Variants in MLST8 observed in about 807,000 individuals in gnomAD.
MLST8 encodes the protein target of rapamycin complex subunit LST8.
In MLST8, 20 loss-of-function variants were observed where a neutral mutation model predicts 41.3. The observed-to-expected ratio is 0.48, with a 90% confidence interval of 0.34 to 0.70. The LOEUF (loss-of-function observed/expected upper bound fraction) is 0.70, where lower values mean the gene tolerates loss of function less well. MLST8 is among the 30% of genes least tolerant of loss of function. The probability of loss-of-function intolerance (pLI) is 0.01; values close to 1 mark genes in which losing one functional copy is unlikely to be tolerated. For missense variants in MLST8, 422 were observed against 454.3 expected (o/e 0.93, Z 0.65); for synonymous variants, 243 against 183.0 (o/e 1.33, Z -2.65).
In MLST8 at chr16:2,208,327, G is replaced by A. The variant is rs1353229545; in HGVS notation, c.691G>A (p.Asp231Asn). 10 of 1,606,012 alleles carry A rather than the reference G, an allele frequency of 6.2e-6. No individual in the cohort carries two copies. The highest frequency in any genetic ancestry group is 8.5e-6 in the Non-Finnish European group (10 of 1,174,362). Reference protein sequence around the residue: ...RYALQCRFSPDSTLLATCSAD... With the variant: ...RYALQCRFSPNSTLLATCSAD... ...CGCCCTGCAGTGTCGCTTCAGCCCC[G>A]ACTCCACGTGCGTGCAGGGCCTGCT... Residue 231 changes from aspartate to asparagine, a missense_variant, in exon 7 of 9, where the codon GAC becomes AAC. Asp to Asn is a conservative substitution (Grantham distance 23). Transcript: ENST00000569417.
chr16:2,206,560 A>G lies in MLST8; in HGVS notation c.245A>G (p.Asp82Gly). ...SNNPNPIISY[D>G]GVNKNIASVG... The stretch of plus-strand genomic sequence containing the variant: ...AACCCTAACCCCATCATCAGCTACG[A>G]CGGCGTCAACAAGAACATCGCGTCT... Residue 82 changes from aspartate (D) to glycine (G), a missense_variant, in exon 4 of 9, where the codon GAC (aspartate) becomes GGC (glycine). Coordinates refer to ENST00000569417, the MANE Select transcript of MLST8 (RefSeq NM_022372.6). 2 of 1,613,946 alleles carry G rather than the reference A, an allele frequency of 1.2e-6. No homozygotes were observed. The highest frequency in any genetic ancestry group is 1.7e-6 in the Non-Finnish European group (2 of 1,179,956).
Position 2,206,520 on chromosome 16 carries a change from G to C in MLST8, c.205G>C (p.Asp69His). 1 of 1,611,880 alleles carries C rather than the reference G, an allele frequency of 6.2e-7. No individual in the cohort carries two copies. ...AGGTTACCAGCACATCCGCATGTAT[G>C]ATCTCAACTCCAATAACCCTAACCC... ...AAGYQHIRMY[D>H]LNSNNPNPII... The change falls in exon 4 of 9, where the codon GAT becomes CAT. Residue 69 changes from aspartate to histidine, a missense_variant. Physicochemically the swap from Asp to His is moderately conservative, Grantham distance 81 (BLOSUM62 -1). Coordinates refer to ENST00000569417, the MANE Select transcript of MLST8 (RefSeq NM_022372.6).
In MLST8 at chr16:2,209,281, C is replaced by T. The variant is rs2093358038; in HGVS notation, c.*404C>T. The T allele has an allele frequency of 4.6e-6, 6 of 1,307,454 alleles. No homozygotes were observed. In the South Asian group the frequency reaches 5.2e-5, roughly 11 times the overall value. 81.0% of individuals were successfully genotyped at this position (1,307,454 alleles called of 1,614,324 possible). A position where few individuals can be genotyped will look rare whatever the true frequency, so the allele number is the denominator to read the frequency against. On this transcript the variant is annotated 3_prime_UTR_variant, in exon 9 of 9. Coordinates refer to ENST00000569417, the MANE Select transcript of MLST8 (RefSeq NM_022372.6). ...AGGTGGAAGGGTTTATTAGTCCCTG[C>T]CAGCAGCTGTCCTCCCTGGTGCAGG... is the stretch of plus-strand genomic sequence containing the variant.
chr16:2,207,400 C>G, intron 6 of MLST8, 55 bp downstream of exon 6: 1 of 1,588,230 alleles, frequency 6.3e-7, no homozygotes, highest in South Asian at 1.1e-5. Context: ...AGCCCTCAGC[C>G]TCTGCAGGTG....
rs764361800 is a variant in MLST8, at chr16:2,208,753, C to G, written c.863-6C>G. On this transcript the variant is annotated splice_polypyrimidine_tract_variant and splice_region_variant and intron_variant, in intron 8 of 8. Transcript: ENST00000569417. ...GCTCTTAGCCCTGCACAATCTCCCC[C>G]TCCAGCTTCCTCGGACAACCTGGCC... The G allele has an allele frequency of 1.2e-6, 2 of 1,613,828 alleles. No individual in the cohort carries two copies. Among genetic ancestry groups the G allele is most frequent in the African/African-American group, 1.3e-5 (1 of 74,940 alleles).
rs1037058113 is a variant in MLST8, at chr16:2,208,740, G to C, written c.863-19G>C. The C allele has an allele frequency of 5.0e-6, 8 of 1,613,744 alleles. No homozygotes were observed. The highest frequency in any genetic ancestry group is 3.3e-5 in the Admixed American group (2 of 60,000). On this transcript the variant is annotated intron_variant, in intron 8 of 8. Transcript: ENST00000569417. ...GGCCTGCACCTGCGCTCTTAGCCCT[G>C]CACAATCTCCCCCTCCAGCTTCCTC...
chr16:2,209,176 C>G lies in MLST8; in HGVS notation c.*299C>G. The G allele has an allele frequency of 1.5e-6, 1 of 672,358 alleles. No individual in the cohort carries two copies. 41.6% of individuals were successfully genotyped at this position (672,358 alleles called of 1,614,324 possible). On this transcript the variant is annotated 3_prime_UTR_variant, in exon 9 of 9. Coordinates refer to ENST00000569417, the MANE Select transcript of MLST8 (RefSeq NM_022372.6). Reference sequence around the variant, plus strand: ...CTGAGGGGTCTGAGGCTGGTGCCCACCCCCAAGCTAGTGTGTTCTCTGCCC... The same window carrying G: ...CTGAGGGGTCTGAGGCTGGTGCCCAGCCCCAAGCTAGTGTGTTCTCTGCCC...
Position 2,209,085 on chromosome 16 carries a change from G to T in MLST8, c.*208G>T. On this transcript the variant is annotated 3_prime_UTR_variant, in exon 9 of 9. Coordinates refer to ENST00000569417, the MANE Select transcript of MLST8 (RefSeq NM_022372.6). Reference sequence around the variant, plus strand: ...ATGTGACAGAGCTCGACCCAAGCCAGGCTGCACACTCCTGGACTGGGCTAG... The same window carrying T: ...ATGTGACAGAGCTCGACCCAAGCCATGCTGCACACTCCTGGACTGGGCTAG... The T allele has an allele frequency of 1.5e-6, 1 of 652,794 alleles. No individual in the cohort carries two copies. The allele number at this position is 652,794 out of a possible 1,614,324, so 40.4% of individuals were successfully genotyped here.
chr16:2,209,146 A>G lies in MLST8; in HGVS notation c.*269A>G. 1 of 641,748 alleles carries G rather than the reference A, an allele frequency of 1.6e-6. No homozygotes were observed. Among genetic ancestry groups the G allele is most frequent in the Non-Finnish European group, 2.7e-6 (1 of 373,992 alleles). The allele number at this position is 641,748 out of a possible 1,614,324, so 39.8% of individuals were successfully genotyped here. A position where few individuals can be genotyped will look rare whatever the true frequency, so the allele number is the denominator to read the frequency against. On this transcript the variant is annotated 3_prime_UTR_variant, in exon 9 of 9. Coordinates refer to ENST00000569417, the MANE Select transcript of MLST8 (RefSeq NM_022372.6). ...CTGGGAAAGTCGGCCGAGGGCCCAA[A>G]GCTGCTGAGGGGTCTGAGGCTGGTG... is the stretch of plus-strand genomic sequence containing the variant.
Position 2,205,927 on chromosome 16 carries a change from A to G in MLST8, c.-55-104A>G. The G allele has an allele frequency of 5.5e-6, 8 of 1,442,878 alleles. No individual in the cohort carries two copies. The Middle Eastern group carries it at 5.6e-4, about 101-fold the overall frequency. 89.4% of individuals were successfully genotyped at this position (1,442,878 alleles called of 1,614,324 possible). On this transcript the variant is annotated intron_variant, in intron 1 of 8. Transcript: ENST00000569417. ...GAACCTACCTGCGCTTCTTGTCCCA[A>G]CTCTAAAATGGGAATGATAAGCGCC...
chr16:2,206,001 C>A, intron 1 of MLST8, 30 bp from the exon 2 acceptor site: 1 of 1,509,490 alleles, frequency 6.6e-7, no homozygotes, highest in Non-Finnish European at 8.9e-7. Flanking sequence ...CAGAGAGTGT[C>A]TTCTAAGTAC....
At chr16:2,205,780 C>CT (rs1431289249) in intron 1 of MLST8, 7 of 1,056,612 alleles carry the variant, frequency 6.6e-6, no homozygotes, top group East Asian at 1.4e-4. Context: ...CCGCGCGTGA[C>CT]TCCCCCCTGC....
At position 2,206,159 on chromosome 16, in the gene MLST8, G is replaced by A. The variant is rs745316292; in HGVS notation, c.74G>A (p.Arg25His). Residue 25 changes from arginine (R) to histidine (H), a missense_variant, in exon 2 of 9, where the codon CGC (arginine) becomes CAC (histidine). By Grantham distance (29) the Arg-to-His change is conservative. Coordinates refer to ENST00000569417, the MANE Select transcript of MLST8 (RefSeq NM_022372.6). ...LATAGYDHTV[R>H]FWQAHSGICT... The stretch of plus-strand genomic sequence containing the variant: ...ACTGCAGGCTACGACCACACCGTGC[G>A]CTTCTGGCAGGCCCACAGCGGCATC... 4 of 1,611,854 alleles carry A rather than the reference G, an allele frequency of 2.5e-6. No individual in the cohort carries two copies. The highest frequency in any genetic ancestry group is 1.1e-5 in the South Asian group (1 of 91,020).
In MLST8 at chr16:2,208,953, A is replaced by C; in HGVS notation, c.*76A>C. ...CCATGCAGCACCCAGGTCAGAGCAG[A>C]CCCTCCCCTGCCGGCCTGCGCCAGC... On this transcript the variant is annotated 3_prime_UTR_variant, in exon 9 of 9. Coordinates refer to ENST00000569417, the MANE Select transcript of MLST8 (RefSeq NM_022372.6). 2 of 1,509,256 alleles carry C rather than the reference A, an allele frequency of 1.3e-6. No individual in the cohort carries two copies. Among genetic ancestry groups the C allele is most frequent in the Non-Finnish European group, 9.1e-7 (1 of 1,099,346 alleles). The allele number at this position is 1,509,256 out of a possible 1,614,324, so 93.5% of individuals were successfully genotyped here. A position where few individuals can be genotyped will look rare whatever the true frequency, so the allele number is the denominator to read the frequency against.
At position 2,206,142 on chromosome 16, in the gene MLST8, C is replaced by T; in HGVS notation, c.57C>T (p.Gly19=). ...ACCCGGTCATCCTGGCCACTGCAGGCTACGACCACACCGTGCGCTTCTGGC... is the reference window on the plus strand; with the variant it reads ...ACCCGGTCATCCTGGCCACTGCAGGTTACGACCACACCGTGCGCTTCTGGC... ...GSDPVILATA[G]YDHTVRFWQA... is the part of the protein sequence containing the mutation. The change falls in exon 2 of 9, where the codon GGC becomes GGT. Residue 19 remains glycine (G), a synonymous_variant. Coordinates refer to ENST00000569417, the MANE Select transcript of MLST8 (RefSeq NM_022372.6). 1 of 1,612,092 alleles carries T rather than the reference C, an allele frequency of 6.2e-7. No homozygotes were observed. The highest frequency in any genetic ancestry group is 8.5e-7 in the Non-Finnish European group (1 of 1,179,440).
At chr16:2,205,773 C>T (rs534548280) in intron 1 of MLST8, 8 of 1,047,952 alleles carry the variant, frequency 7.6e-6, no homozygotes, top group Non-Finnish European at 9.2e-6. Flanking sequence ...GTGGCGCCCG[C>T]GCGTGACTCC....
chr16:2,209,227 G>A lies in MLST8; in HGVS notation c.*350G>A, dbSNP rs550305882. Reference sequence around the variant, plus strand: ...CTCCCTGCCCGCGTTTCAGGGCCTCGGTCCATAGAGAACACCACCACCATG... The same window carrying A: ...CTCCCTGCCCGCGTTTCAGGGCCTCAGTCCATAGAGAACACCACCACCATG... On this transcript the variant is annotated 3_prime_UTR_variant, in exon 9 of 9. Transcript: ENST00000569417. 2.2e-5 allele frequency: 19 copies of A among 850,548 alleles called. No individual in the cohort carries two copies. The highest frequency in any genetic ancestry group is 3.1e-5 in the Non-Finnish European group (17 of 550,832). 52.7% of individuals were successfully genotyped at this position (850,548 alleles called of 1,614,324 possible).
In MLST8 at chr16:2,208,468, G is replaced by T. The variant is rs373378733; in HGVS notation, c.717G>T (p.Ser239=). The T allele has an allele frequency of 3.7e-6, 6 of 1,612,908 alleles. No individual in the cohort carries two copies. The highest frequency in any genetic ancestry group is 1.1e-5 in the South Asian group (1 of 91,074). The change falls in exon 8 of 9, where the codon TCG becomes TCT. Residue 239 remains serine, a synonymous_variant. Coordinates refer to ENST00000569417, the MANE Select transcript of MLST8 (RefSeq NM_022372.6). ...SPDSTLLATC[S]ADQTCKIWRT... is the part of the protein sequence containing the mutation. ...CCACTAGGCTCCTCGCCACCTGCTC[G>T]GCTGATCAGACGTGCAAGATCTGGA...
rs1010717680 is a variant in MLST8 at position 2,209,002 on chromosome 16, G to A, written c.*125G>A. The A allele has an allele frequency of 1.6e-5, 17 of 1,057,228 alleles. No homozygotes were observed. Among genetic ancestry groups the A allele is most frequent in the East Asian group, 2.4e-5 (1 of 42,064 alleles). 65.5% of individuals were successfully genotyped at this position (1,057,228 alleles called of 1,614,324 possible). On this transcript the variant is annotated 3_prime_UTR_variant, in exon 9 of 9. Coordinates refer to ENST00000569417, the MANE Select transcript of MLST8 (RefSeq NM_022372.6). ...GCTGGACCTGATGGCCCCCTGTGGC[G>A]CCTTGACCTGCTGGGCCAGGCTGCC...
Sources: gnomAD v4.1 joint callset for allele counts on GRCh38, gnomAD v4.1.1 for gene constraint, MANE v1.5 for transcripts, NCBI Gene and HGNC (gene_info 2026-07-23, HGNC 2026-07-21) for gene names.